Variants in CAPN13 observed in about 807,000 individuals in gnomAD.
The protein encoded by CAPN13 is calpain-13.
Under a neutral mutation model 98.4 loss-of-function variants are expected in CAPN13, and 90 were observed. The ratio of observed to expected loss-of-function variants is 0.92; its 90% CI spans 0.77 to 1.09. The LOEUF (loss-of-function observed/expected upper bound fraction) is 1.09. Ranked by LOEUF, CAPN13 falls within the 50% of genes least tolerant of loss-of-function variation. The pLI is 0.00. For missense variants in CAPN13, 887 were observed against 841.3 expected, an observed-to-expected ratio of 1.05 and a Z score of -0.67; for synonymous variants, 330 against 305.5, an observed-to-expected ratio of 1.08 and a Z score of -0.84.
Position 30,764,323 on chromosome 2 carries a change from G to A in CAPN13, c.525-17C>T. ...CCGAGCAGCCTGGGAGGGAATGGGG[G>A]ATGAACCATCGTGGTGCCTTTGGTG... is the stretch of plus-strand genomic sequence containing the variant. On this transcript the variant is annotated splice_polypyrimidine_tract_variant and intron_variant, in intron 5 of 22. Coordinates refer to ENST00000295055, the MANE Select transcript of CAPN13 (RefSeq NM_144575.3). 1.2e-6 allele frequency: 2 copies of A among 1,612,082 alleles called. No homozygotes were observed. Among genetic ancestry groups the A allele is most frequent in the Non-Finnish European group, 1.7e-6 (2 of 1,179,090 alleles).
At chr2:30,741,565 G>C (rs1299233190) in intron 15 of CAPN13, 37 of 1,077,846 alleles carry the variant, frequency 3.4e-5, no homozygotes, top group Non-Finnish European at 4.1e-5. Flanking sequence ...AGGTTGGTGG[G>C]AGGTGGCCGA....
At chr2:30,765,025 C>T (rs1673042911) in intron 5 of CAPN13, among the ~76,000 whole-genome samples, 1 of 152,140 alleles carries the variant, frequency 6.6e-6, no homozygotes, top group African/African-American at 2.4e-5. Context: ...AAAACCCTCA[C>T]CCCCTTCTCC....
At chr2:30,741,480 G>A (rs145792579) in intron 15 of CAPN13, 1 of 1,025,470 alleles carries the variant, frequency 9.8e-7, no homozygotes, top group East Asian at 9.2e-5. Context: ...AATCCTGTGT[G>A]CACATAGGTG....
chr2:30,727,998 G>A (rs1018351901), intron 22 of CAPN13, among the ~76,000 whole-genome samples: 2 of 151,806 alleles, frequency 1.3e-5, no homozygotes, highest in Admixed American at 6.6e-5. Context: ...ACTGATACAC[G>A]CTACAACATG....
intron 5 of CAPN13, among the ~76,000 whole-genome samples, chr2:30,766,125 T>C (rs560386058): frequency 1.3e-5 from 2 of 152,214 alleles, no homozygotes; most frequent in Non-Finnish European, 2.9e-5. Flanking sequence ...CCACCAGTGC[T>C]ACCTCCTGCT....
intron 22 of CAPN13, among the ~76,000 whole-genome samples, chr2:30,726,515 A>T (rs1017768974): frequency 1.3e-5 from 2 of 152,234 alleles, no homozygotes; most frequent in East Asian, 1.9e-4. Context: ...TGGAACTAAT[A>T]AACAAGTTTA....
At position 30,764,379 on chromosome 2, in the gene CAPN13, A is replaced by G. The variant is rs60468294; in HGVS notation, c.525-73T>C. 1.3e-3 allele frequency: 1,896 copies of G among 1,511,414 alleles called. 31 individuals carry two copies. The African/African-American group carries it at 0.023, about 18-fold the overall frequency. 93.6% of individuals were successfully genotyped at this position (1,511,414 alleles called of 1,614,324 possible). ...CTCTGGGAGGGGAGCTTGTGCACTGATCCTCTGCCTATTTCCCAGGTAAGG... is the reference window on the plus strand; with the variant it reads ...CTCTGGGAGGGGAGCTTGTGCACTGGTCCTCTGCCTATTTCCCAGGTAAGG... On this transcript the variant is annotated intron_variant, in intron 5 of 22. Transcript: ENST00000295055.
rs572384887 is a variant in CAPN13, at chr2:30,743,662, C to T, written c.1249-83G>A. On this transcript the variant is annotated intron_variant, in intron 12 of 22. Transcript: ENST00000295055. ...GTCACCAAGAAAGACCCACCACCTT[C>T]TAGACCGTCTCCATTCACCAAGATA... 7 of 1,164,446 alleles carry T rather than the reference C, an allele frequency of 6.0e-6. No individual in the cohort carries two copies. The East Asian group carries it at 1.7e-4, about 28-fold the overall frequency. The allele number at this position is 1,164,446 out of a possible 1,614,324, so 72.1% of individuals were successfully genotyped here. A position where few individuals can be genotyped will look rare whatever the true frequency, so the allele number is the denominator to read the frequency against.
chr2:30,806,906 C>T (rs191152994), intron 1 of CAPN13, among the ~76,000 whole-genome samples: 1 of 152,344 alleles, frequency 6.6e-6, no homozygotes, highest in African/African-American at 2.4e-5. Flanking sequence ...CACCTACTAT[C>T]TAACAGAAAC....
chr2:30,748,713 G>A (rs1672034953), intron 11 of CAPN13, among the ~76,000 whole-genome samples: 1 of 152,080 alleles, frequency 6.6e-6, no homozygotes, highest in Non-Finnish European at 1.5e-5. Context: ...CCCTTAAAGT[G>A]GAAAAGGTGT....
intron 2 of CAPN13, among the ~76,000 whole-genome samples, chr2:30,783,954 G>A (rs1163010077): frequency 6.6e-6 from 1 of 152,082 alleles, no homozygotes; most frequent in African/African-American, 2.4e-5. Context: ...GCTGAGGTGG[G>A]TGGATCACTC....
At chr2:30,752,508 C>T (rs1335878299) in intron 10 of CAPN13, among the ~76,000 whole-genome samples, 1 of 152,210 alleles carries the variant, frequency 6.6e-6, no homozygotes, top group African/African-American at 2.4e-5. Context: ...TGTGGGACTT[C>T]AGCAGGGACA....
intron 2 of CAPN13, among the ~76,000 whole-genome samples, chr2:30,785,670 T>A (rs1403409571): frequency 6.6e-6 from 1 of 152,178 alleles, no homozygotes; most frequent in Non-Finnish European, 1.5e-5. Context: ...AATCTCTCAA[T>A]CCTTTCTAAA....
chr2:30,730,644 A>G (rs879666390), intron 22 of CAPN13, 86 bp downstream of exon 22: 9 of 724,994 alleles, frequency 1.2e-5, no homozygotes, highest in Non-Finnish European at 2.0e-5. Flanking sequence ...GGCTCTCCCA[A>G]GGAGAGAGTC....
At chr2:30,804,867 T>A (rs1329949984) in intron 1 of CAPN13, among the ~76,000 whole-genome samples, 1 of 152,216 alleles carries the variant, frequency 6.6e-6, no homozygotes, top group African/African-American at 2.4e-5. Flanking sequence ...TATGGTTTTC[T>A]CATGGGAGAA....
chr2:30,786,729 G>C (rs17010286), intron 2 of CAPN13, among the ~76,000 whole-genome samples: 15,190 of 152,028 alleles, frequency 0.1, 2,264 homozygotes, highest in African/African-American at 0.33. Context: ...AATTCTAACA[G>C]GGAAGGAAAA....
intron 1 of CAPN13, among the ~76,000 whole-genome samples, chr2:30,789,233 C>T (rs988916668): frequency 3.9e-5 from 6 of 152,166 alleles, no homozygotes; most frequent in Admixed American, 3.9e-4. Context: ...AAGGCGATGG[C>T]ACTCGATAAT....
chr2:30,757,876 G>A (rs564218212), intron 8 of CAPN13, among the ~76,000 whole-genome samples, 170 bp downstream of exon 8: 15 of 152,312 alleles, frequency 9.8e-5, no homozygotes, highest in South Asian at 6.2e-4. Context: ...GTTGCTTGGC[G>A]GATGGCATCA....
intron 1 of CAPN13, among the ~76,000 whole-genome samples, chr2:30,800,706 A>G (rs1558352518): frequency 2.0e-5 from 3 of 152,226 alleles, no homozygotes; most frequent in Admixed American, 1.3e-4. Context: ...AGGAACCCAC[A>G]GAATGTATTA....
Sources: allele counts gnomAD v4.1 joint callset (sites outside exome capture counted in the v4.1 genomes callset), GRCh38; gene constraint gnomAD v4.1.1; transcripts MANE v1.5; gene names NCBI Gene and HGNC (gene_info 2026-07-23, HGNC 2026-07-21).